The following KSR2 variants were observed in gnomAD, a reference collection of about 807,000 sequenced individuals.
The protein encoded by KSR2 is kinase suppressor of ras 2.
In KSR2, 25 loss-of-function variants were observed where a neutral mutation model predicts 107.8. The ratio of observed to expected loss-of-function variants is 0.23; its 90% confidence interval spans 0.17 to 0.32. The LOEUF is 0.32. KSR2 is among the 10% of genes least tolerant of loss of function. The pLI is 1.00. For missense variants in KSR2, 887 were observed against 1,268.9 expected (o/e 0.70, Z 4.57); for synonymous variants, 480 against 507.0 (o/e 0.95, Z 0.71).
intron 5 of KSR2, among the ~76,000 whole-genome samples, chr12:117,661,111 C>T (rs73211983): frequency 0.029 from 4,418 of 152,306 alleles, 193 homozygotes; most frequent in African/African-American, 0.094. Flanking sequence ...GAGGAAACAT[C>T]GGGCAGACTT....
chr12:117,888,982 G>A (rs79290217), intron 1 of KSR2, among the ~76,000 whole-genome samples: 3,664 of 152,206 alleles, frequency 0.024, 140 homozygotes, highest in African/African-American at 0.083. Flanking sequence ...TAAACATTAT[G>A]TTACGTATAA....
At chr12:117,744,410 T>G (rs1888328103) in intron 4 of KSR2, among the ~76,000 whole-genome samples, 1 of 152,156 alleles carries the variant, frequency 6.6e-6, no homozygotes, top group Non-Finnish European at 1.5e-5. Flanking sequence ...CAACTGTAAC[T>G]GGGTTAAAAA....
At chr12:117,814,134 C>T (rs116191022) in intron 3 of KSR2, among the ~76,000 whole-genome samples, 3,744 of 151,960 alleles carry the variant, frequency 0.025, 130 homozygotes, top group African/African-American at 0.076. Flanking sequence ...GAGTGGGATA[C>T]GGAGAGATTT....
At chr12:117,576,501 A>G (rs1879292482) in intron 7 of KSR2, among the ~76,000 whole-genome samples, 1 of 152,010 alleles carries the variant, frequency 6.6e-6, no homozygotes, top group African/African-American at 2.4e-5. Context: ...TCCTTAAAAA[A>G]AAATTTTTTT....
intron 1 of KSR2, among the ~76,000 whole-genome samples, chr12:117,947,239 A>C (rs1359790454): frequency 2.4e-5 from 3 of 123,048 alleles, no homozygotes; most frequent in Non-Finnish European, 3.4e-5. Flanking sequence ...GAAAGAAAGA[A>C]AGAAAGAAAG....
At chr12:117,654,238 T>C (rs1818618) in intron 5 of KSR2, among the ~76,000 whole-genome samples, 5,927 of 152,188 alleles carry the variant, frequency 0.039, 260 homozygotes, top group East Asian at 0.24. Flanking sequence ...CATTTCATCA[T>C]CAAATGGAAG....
chr12:117,841,091 T>C lies in KSR2; in HGVS notation c.472+14337A>G, dbSNP rs118154325. ...TCTTTTTCTCTCCCAAACAATAGCT[T>C]GGGTACTTCTCACACGAGTGTATAA... On this transcript the variant is annotated intron_variant, in intron 3 of 19. Coordinates refer to ENST00000339824, the MANE Select transcript of KSR2 (RefSeq NM_173598.6). Among the ~76,000 whole-genome samples the C allele has an allele frequency of 2.4e-4, 37 of 152,106 alleles. No homozygotes were observed. The East Asian group carries it at 6.4e-3, about 26-fold the overall frequency.
At chr12:117,832,016 G>C (rs1891989752) in intron 3 of KSR2, among the ~76,000 whole-genome samples, 1 of 152,202 alleles carries the variant, frequency 6.6e-6, no homozygotes, top group Non-Finnish European at 1.5e-5. Context: ...CGGGTGCAGT[G>C]GCTCATGCCT....
At chr12:117,650,961 T>G (rs950478796) in intron 5 of KSR2, among the ~76,000 whole-genome samples, 2 of 152,096 alleles carry the variant, frequency 1.3e-5, no homozygotes, top group Non-Finnish European at 2.9e-5. Context: ...TAACCTGCAA[T>G]GAAAGGTGCA....
At chr12:117,668,154 TA>T (rs991808164) in intron 4 of KSR2, among the ~76,000 whole-genome samples, 1 of 152,346 alleles carries the variant, frequency 6.6e-6, no homozygotes, top group South Asian at 2.1e-4. Context: ...TTCCTCCATG[TA>T]ACAATAATCA....
At chr12:117,524,828 G>C (rs1168448705) in intron 14 of KSR2, 24 bp downstream of exon 14, 9 of 1,578,050 alleles carry the variant, frequency 5.7e-6, no homozygotes, top group Admixed American at 1.9e-5. Context: ...CCAATCCCTG[G>C]GTAGAAGCCC....
intron 1 of KSR2, among the ~76,000 whole-genome samples, chr12:117,945,232 A>G (rs1037879792): frequency 1.3e-5 from 2 of 152,254 alleles, no homozygotes; most frequent in Non-Finnish European, 2.9e-5. Context: ...TGACATTTAT[A>G]GAACACTCCA....
At chr12:117,528,510 T>C (rs1270870833) in intron 12 of KSR2, among the ~76,000 whole-genome samples, 10 of 151,994 alleles carry the variant, frequency 6.6e-5, no homozygotes, top group Non-Finnish European at 1.3e-4. Context: ...AGTGGCTGAC[T>C]CCACAGAGTC....
rs16947896 is a variant in KSR2, at chr12:117,696,750, T to G, written c.987-29092A>C. On this transcript the variant is annotated intron_variant, in intron 4 of 19. Transcript: ENST00000339824. ...TGATTACCAGGCATCCAAGGACTTC[T>G]GTGACTTTCCCTTGCCAGGCCCAGA... Among the ~76,000 whole-genome samples the G allele has an allele frequency of 8.8e-3, 1,334 of 152,302 alleles. 23 individuals carry two copies. The highest frequency in any genetic ancestry group is 0.029 in the African/African-American group (1,222 of 41,568).
intron 3 of KSR2, among the ~76,000 whole-genome samples, chr12:117,772,241 A>AACAC (rs1889502149): frequency 5.5e-5 from 3 of 54,174 alleles, no homozygotes; most frequent in South Asian, 6.4e-4. Flanking sequence ...CAGACGCACA[A>AACAC]ACACTCACAC....
intron 7 of KSR2, among the ~76,000 whole-genome samples, chr12:117,560,504 G>A (rs1038543075): frequency 6.6e-6 from 1 of 152,114 alleles, no homozygotes; most frequent in Non-Finnish European, 1.5e-5. Flanking sequence ...CTTTCAATCT[G>A]ATGGCACCAG....
intron 3 of KSR2, among the ~76,000 whole-genome samples, chr12:117,781,762 T>C (rs1043799686): frequency 1.5e-4 from 23 of 152,162 alleles, no homozygotes; most frequent in African/African-American, 5.5e-4. Flanking sequence ...TGAGTCCCCC[T>C]AGCAGTTAAC....
intron 4 of KSR2, among the ~76,000 whole-genome samples, chr12:117,732,216 CTT>C (rs1291371971): frequency 6.6e-6 from 1 of 151,918 alleles, no homozygotes; most frequent in Non-Finnish European, 1.5e-5. Flanking sequence ...AAGGCCACCT[CTT>C]TAATGTATGA....
intron 4 of KSR2, among the ~76,000 whole-genome samples, chr12:117,701,067 G>A (rs472932): frequency 0.84 from 127,861 of 152,180 alleles, 53,852 homozygotes; most frequent in East Asian, 0.96. Context: ...TGCACAATAG[G>A]AGGAAAACTT....
Sources: allele counts gnomAD v4.1 joint callset (sites outside exome capture counted in the v4.1 genomes callset), GRCh38; gene constraint gnomAD v4.1.1; transcripts MANE v1.5; gene names NCBI Gene and HGNC (gene_info 2026-07-23, HGNC 2026-07-21).